Variants in SMC4 observed in about 807,000 individuals in gnomAD.
SMC4 encodes structural maintenance of chromosomes protein 4.
Under a neutral mutation model 145.6 loss-of-function variants are expected in SMC4, and 87 were observed. The observed-to-expected ratio is 0.60, with a 90% CI of 0.50 to 0.71. SMC4 has a LOEUF of 0.71. Among genes scored for constraint, SMC4 ranks in the 30% least tolerant of loss-of-function variants. The pLI is 0.00. For synonymous variants in SMC4, 558 were observed against 500.7 expected (o/e 1.11, Z -1.53); for missense variants, 1,447 against 1,537.1 (o/e 0.94, Z 0.98).
rs1287116555 is a variant in SMC4, at chr3:160,431,841, G to T, written c.3297+16G>T. 2 of 1,596,674 alleles carry T rather than the reference G, an allele frequency of 1.3e-6. No homozygotes were observed. Among genetic ancestry groups the T allele is most frequent in the Non-Finnish European group, 1.7e-6 (2 of 1,173,848 alleles). On this transcript the variant is annotated intron_variant, in intron 21 of 23. Transcript: ENST00000357388. ...TAAAAAGAAGGTATGAATGAACTGT[G>T]TATGTATACTAGTTGGAGTTCTTTT...
intron 16 of SMC4, among the ~76,000 whole-genome samples, chr3:160,425,776 A>G (rs886695502): frequency 7.9e-5 from 12 of 152,214 alleles, no homozygotes; most frequent in African/African-American, 2.9e-4. Context: ...GTTATAATTC[A>G]TGCACTACTA....
chr3:160,412,796 A>T, intron 7 of SMC4: 1 of 924,346 alleles, frequency 1.1e-6, no homozygotes, highest in Non-Finnish European at 1.3e-6. Flanking sequence ...TTATTAAATT[A>T]GGCATATTAA....
Position 160,432,150 on chromosome 3 carries a change from C to T in SMC4, c.3298-133C>T, listed in dbSNP as rs182678074. 29 of 705,826 alleles carry T rather than the reference C, an allele frequency of 4.1e-5. No homozygotes were observed. In the East Asian group the frequency reaches 5.1e-4, roughly 12 times the overall value. 43.7% of individuals were successfully genotyped at this position (705,826 alleles called of 1,614,324 possible). On this transcript the variant is annotated intron_variant, in intron 21 of 23. Transcript: ENST00000357388. ...CTGGGAGGTGGAGGTTGCCGTGAGC[C>T]GAGATCGCGCCATTGCACTCCAGCC...
intron 8 of SMC4, 44 bp from the exon 9 acceptor site, chr3:160,414,323 G>C (rs775211171): frequency 6.8e-7 from 1 of 1,481,200 alleles, no homozygotes; most frequent in South Asian, 1.1e-5. Flanking sequence ...TTTAAAATAT[G>C]TGCACATTCA....
At position 160,433,618 on chromosome 3, in the gene SMC4, T is replaced by C. The variant is rs112444719; in HGVS notation, c.3715-39T>C. 5.1e-4 allele frequency: 669 copies of C among 1,300,322 alleles called. 3 individuals carry two copies. The African/African-American group carries it at 7.3e-3, about 14-fold the overall frequency. The allele number at this position is 1,300,322 out of a possible 1,614,324, so 80.5% of individuals were successfully genotyped here. ...GTTACATGTTTGTGTGATTTACCTG[T>C]TATTACTTAATGTTTGACTTTTCTT... On this transcript the variant is annotated intron_variant, in intron 23 of 23. Transcript: ENST00000357388.
chr3:160,419,266 ATTG>A (rs1716913527), intron 11 of SMC4, 89 bp from the exon 12 acceptor site: 2 of 793,562 alleles, frequency 2.5e-6, no homozygotes, highest in East Asian at 5.8e-5. Context: ...TTCTTTCTTT[ATTG>A]TTATTAAAGC....
At chr3:160,411,790 G>T in intron 5 of SMC4, 130 bp from the exon 6 acceptor site, 1 of 618,214 alleles carries the variant, frequency 1.6e-6, no homozygotes, top group Non-Finnish European at 2.7e-6. Context: ...TTAAATCATT[G>T]CACTACTAAC....
At chr3:160,419,291 T>G (rs1030260524) in intron 11 of SMC4, 67 bp from the exon 12 acceptor site, 1 of 1,042,984 alleles carries the variant, frequency 9.6e-7, no homozygotes, top group African/African-American at 1.6e-5. Context: ...TTACAACTAA[T>G]TCAGTGCTAT....
Position 160,412,445 on chromosome 3 carries a change from A to G in SMC4, c.972A>G (p.Gln324=), listed in dbSNP as rs766667907. The change falls in exon 7 of 24, where the codon CAA becomes CAG. Residue 324 remains glutamine (Q), a synonymous_variant. Transcript: ENST00000357388. ...TTAGAAAAAAGAATCATGTTTGTCA[A>G]TATTATATGTAAGTGCCTTGATTGA... ...EIFRKKNHVC[Q]YYIYELQKRI... 4.4e-6 allele frequency: 7 copies of G among 1,601,978 alleles called. No homozygotes were observed. The highest frequency in any genetic ancestry group is 4.0e-5 in the African/African-American group (3 of 74,422).
chr3:160,402,034 A>T lies in SMC4; in HGVS notation c.259A>T (p.Ile87Phe). 1 of 1,592,718 alleles carries T rather than the reference A, an allele frequency of 6.3e-7. No homozygotes were observed. The highest frequency in any genetic ancestry group is 8.5e-7 in the Non-Finnish European group (1 of 1,172,200). Residue 87 changes from isoleucine (I) to phenylalanine (F), a missense_variant, in exon 3 of 24, where the codon ATT becomes TTT. Physicochemically the swap from Ile to Phe is conservative, Grantham distance 21. Coordinates refer to ENST00000357388, the MANE Select transcript of SMC4 (RefSeq NM_001002800.3). ...AGCTCCTCGGCTTATGATAACTCAT[A>T]TTGTAAACCAGAACTTCAAATCCTA... ...AGAPRLMITHIVNQNFKSYAG... is the reference protein window; with the variant it reads ...AGAPRLMITHFVNQNFKSYAG...
chr3:160,430,793 T>C (rs1718320881), intron 19 of SMC4, 50 bp downstream of exon 19: 1 of 1,562,060 alleles, frequency 6.4e-7, no homozygotes. Context: ...CTGGAACCAA[T>C]TTAAAGAGCT....
chr3:160,410,677 TAATG>T (rs1466597912), intron 5 of SMC4, among the ~76,000 whole-genome samples: 1 of 152,202 alleles, frequency 6.6e-6, no homozygotes, highest in Non-Finnish European at 1.5e-5. Flanking sequence ...AATTATTTCT[TAATG>T]AGTAGATTTT....
chr3:160,412,927 G>C (rs1053120041), intron 7 of SMC4: 2 of 461,798 alleles, frequency 4.3e-6, no homozygotes, highest in African/African-American at 4.3e-5. Flanking sequence ...TAGCAGATCT[G>C]ATTTTTTTCA....
At chr3:160,412,289 A>T in intron 6 of SMC4, 37 bp from the exon 7 acceptor site, 1 of 1,555,214 alleles carries the variant, frequency 6.4e-7, no homozygotes, top group Non-Finnish European at 8.8e-7. Flanking sequence ...GTACATATGA[A>T]GTGTGTATTC....
chr3:160,404,451 C>G lies in SMC4; in HGVS notation c.634C>G (p.Leu212Val). ...AAAGACATTTAAGGATGTTGGAAAT[C>G]TTCTTCGAAGCCATGGAATTGACTT... ...KKKTFKDVGN[L>V]LRSHGIDLDH... The change falls in exon 5 of 24, where the codon CTT becomes GTT. Residue 212 changes from leucine (L) to valine (V), a missense_variant. By Grantham distance (32) the Leu-to-Val change is conservative. Transcript: ENST00000357388. 6.2e-7 allele frequency: 1 copy of G among 1,611,052 alleles called. No individual in the cohort carries two copies. The highest frequency in any genetic ancestry group is 2.2e-5 in the East Asian group (1 of 44,800).
In SMC4 at chr3:160,416,482, T is replaced by C. The variant is rs1716608174; in HGVS notation, c.1437+67T>C. On this transcript the variant is annotated intron_variant, in intron 10 of 23. Transcript: ENST00000357388. ...TTTTTTTTTAACTTAAAGATTATTT[T>C]TTCAAAAATACTGAAACCTGAACTG... is the stretch of plus-strand genomic sequence containing the variant. 8.5e-6 allele frequency: 9 copies of C among 1,061,114 alleles called. No homozygotes were observed. The East Asian group carries it at 2.3e-4, about 27-fold the overall frequency. The allele number at this position is 1,061,114 out of a possible 1,614,324, so 65.7% of individuals were successfully genotyped here.
intron 5 of SMC4, among the ~76,000 whole-genome samples, chr3:160,409,426 A>C (rs920077398): frequency 2.0e-5 from 3 of 152,116 alleles, no homozygotes; most frequent in Middle Eastern, 3.2e-3. Context: ...AGAGAGGAAC[A>C]AACAACCAAA....
chr3:160,433,827 C>G lies in SMC4; in HGVS notation c.*18C>G, dbSNP rs755499340. 4 of 1,586,476 alleles carry G rather than the reference C, an allele frequency of 2.5e-6. No individual in the cohort carries two copies. Among genetic ancestry groups the G allele is most frequent in the Non-Finnish European group, 3.4e-6 (4 of 1,166,648 alleles). ...TTTGTTGAACTTTATGCTGAAGATT[C>G]TTCAAGTTGATTCAGTGTATTACTG... On this transcript the variant is annotated 3_prime_UTR_variant, in exon 24 of 24. Transcript: ENST00000357388.
At chr3:160,401,572 T>G (rs1559985720) in intron 2 of SMC4, among the ~76,000 whole-genome samples, 1 of 152,174 alleles carries the variant, frequency 6.6e-6, no homozygotes, top group Non-Finnish European at 1.5e-5. Flanking sequence ...ACCTCCTGTT[T>G]AGGATAGGCA....
Sources: gnomAD v4.1 joint callset for allele counts (sites outside exome capture counted in the v4.1 genomes callset) on GRCh38, gnomAD v4.1.1 for gene constraint, MANE v1.5 for transcripts, NCBI Gene and HGNC (gene_info 2026-07-23, HGNC 2026-07-21) for gene names.